The following MYMX variants were observed in gnomAD, a reference collection of about 807,000 sequenced individuals.
MYMX encodes the protein myomixer, myoblast fusion factor.
chr6:44,199,880 T>C, the MYMX span, among the ~76,000 whole-genome samples: 3 of 152,080 alleles, frequency 2.0e-5, no homozygotes, highest in East Asian at 5.8e-4. Flanking sequence ...AGACTGGGTT[T>C]TGCCATGTTA....
rs111303907 is a variant in MYMX, at chr6:44,217,711, A to G, written c.240A>G (p.Leu80=). Residue 80 remains leucine, a synonymous_variant, in exon 2 of 2, where the codon TTA becomes TTG. Transcript: ENST00000573382. ...RVDRLERRER[L]GPQK is the part of the protein sequence containing the mutation. ...ACCGCCTGGAGAGGAGGGAGAGGTTAGGCCCCCAAAAGTGAGGCCACAAGT... is the reference window on the plus strand; with the variant it reads ...ACCGCCTGGAGAGGAGGGAGAGGTTGGGCCCCCAAAAGTGAGGCCACAAGT... The G allele has an allele frequency of 0.019, 7,696 of 401,044 alleles. 102 individuals carry two copies. The highest frequency in any genetic ancestry group is 0.039 in the Admixed American group (891 of 22,746). The allele number at this position is 401,044 out of a possible 1,614,324, so 24.8% of individuals were successfully genotyped here.
At chr6:44,210,229 G>A in the MYMX span, among the ~76,000 whole-genome samples, 4 of 151,804 alleles carry the variant, frequency 2.6e-5, no homozygotes, top group East Asian at 5.9e-4. Context: ...ACAGGCGTGA[G>A]CCACCGGGCC....
Position 44,217,904 on chromosome 6 carries a change from A to G in MYMX, c.*178A>G. ...CTCCCAACAGAAATGTCTTTCTGGA[A>G]GAATGCCTTGCATCTAGCACAAAAC... On this transcript the variant is annotated 3_prime_UTR_variant, in exon 2 of 2. Transcript: ENST00000573382. 1 of 397,266 alleles carries G rather than the reference A, an allele frequency of 2.5e-6. No homozygotes were observed. Among genetic ancestry groups the G allele is most frequent in the Non-Finnish European group, 4.4e-6 (1 of 225,480 alleles). The allele number at this position is 397,266 out of a possible 1,614,324, so 24.6% of individuals were successfully genotyped here.
chr6:44,217,630 G>C lies in MYMX; in HGVS notation c.159G>C (p.Leu53=). The C allele has an allele frequency of 2.5e-6, 1 of 401,250 alleles. No individual in the cohort carries two copies. Among genetic ancestry groups the C allele is most frequent in the Non-Finnish European group, 4.4e-6 (1 of 226,534 alleles). 24.9% of individuals were successfully genotyped at this position (401,250 alleles called of 1,614,324 possible). ...TGCGAGAGGCTTTGCTGGGCTGTCTGCTGTTCATTCTCAGCCAGCGACACT... is the reference window on the plus strand; with the variant it reads ...TGCGAGAGGCTTTGCTGGGCTGTCTCCTGTTCATTCTCAGCCAGCGACACT... ...QDMREALLGC[L]LFILSQRHSP... Residue 53 remains leucine, a synonymous_variant, in exon 2 of 2, where the codon CTG becomes CTC. Transcript: ENST00000573382.
At chr6:44,199,047 T>C in the MYMX span, among the ~76,000 whole-genome samples, 1 of 152,296 alleles carries the variant, frequency 6.6e-6, no homozygotes, top group East Asian at 1.9e-4. Context: ...CTCCCCTACA[T>C]GTTCTTGGAT....
chr6:44,208,724 G>A, the MYMX span, among the ~76,000 whole-genome samples: 2 of 152,150 alleles, frequency 1.3e-5, no homozygotes. Flanking sequence ...AGCACCTAGG[G>A]TGAGTGGCAA....
At chr6:44,197,616 C>G in the MYMX span, among the ~76,000 whole-genome samples, 3 of 152,188 alleles carry the variant, frequency 2.0e-5, no homozygotes, top group African/African-American at 7.2e-5. Context: ...TGTGGTAACT[C>G]TTTCTGGGTA....
the MYMX span, among the ~76,000 whole-genome samples, chr6:44,195,976 C>G: frequency 1.5e-4 from 23 of 152,022 alleles, no homozygotes; most frequent in Admixed American, 5.2e-4. Context: ...GAGTCTCACT[C>G]TGTTGCCCAG....
chr6:44,199,418 G>T, the MYMX span, among the ~76,000 whole-genome samples: 4 of 151,988 alleles, frequency 2.6e-5, no homozygotes, highest in East Asian at 7.8e-4. Flanking sequence ...GGCTGATCTC[G>T]AACTCCTCGG....
chr6:44,196,733 C>T, the MYMX span, among the ~76,000 whole-genome samples: 1 of 151,996 alleles, frequency 6.6e-6, no homozygotes, highest in Admixed American at 6.6e-5. Context: ...CTGAGGTGGG[C>T]GGATCATTTG....
chr6:44,209,422 C>T, the MYMX span, among the ~76,000 whole-genome samples: 1 of 152,082 alleles, frequency 6.6e-6, no homozygotes. Flanking sequence ...GCCAAAATCC[C>T]ATGTATTTAA....
At chr6:44,200,812 G>A in the MYMX span, among the ~76,000 whole-genome samples, 11 of 152,296 alleles carry the variant, frequency 7.2e-5, no homozygotes, top group East Asian at 1.9e-3. Context: ...TTGCCAGAGA[G>A]GGTAGGGCCC....
the MYMX span, among the ~76,000 whole-genome samples, chr6:44,202,554 C>G: frequency 6.6e-6 from 1 of 151,968 alleles, no homozygotes; most frequent in Non-Finnish European, 1.5e-5. Flanking sequence ...CAAGGCTAAA[C>G]TGGGAACTGG....
chr6:44,194,158 G>T, the MYMX span, among the ~76,000 whole-genome samples: 1 of 152,184 alleles, frequency 6.6e-6, no homozygotes, highest in South Asian at 2.1e-4. Context: ...TAAACACAGA[G>T]AAGTTTAACG....
chr6:44,194,047 A>G, the MYMX span, among the ~76,000 whole-genome samples: 6 of 152,106 alleles, frequency 3.9e-5, no homozygotes, highest in Non-Finnish European at 8.8e-5. Context: ...TCTTGGAGAT[A>G]TGTTCAAAAT....
At chr6:44,201,566 G>C in the MYMX span, among the ~76,000 whole-genome samples, 1 of 152,170 alleles carries the variant, frequency 6.6e-6, no homozygotes, top group Admixed American at 6.6e-5. Flanking sequence ...AGCCTCCGCA[G>C]GCCTCCCTTG....
At chr6:44,199,026 C>T in the MYMX span, among the ~76,000 whole-genome samples, 3 of 152,156 alleles carry the variant, frequency 2.0e-5, no homozygotes, top group Non-Finnish European at 4.4e-5. Context: ...CACTGACCAG[C>T]AATTCCCCCT....
chr6:44,215,398 C>A (rs1352697651), upstream of MYMX, among the ~76,000 whole-genome samples: 2 of 151,598 alleles, frequency 1.3e-5, no homozygotes, highest in East Asian at 3.9e-4. Context: ...CACAGTGAGA[C>A]CCCTGTCTCT....
At chr6:44,195,951 CT>C in the MYMX span, among the ~76,000 whole-genome samples, 4 of 150,668 alleles carry the variant, frequency 2.7e-5, no homozygotes, top group East Asian at 2.0e-4. Flanking sequence ...TCTTTTTTTC[CT>C]TTTTTTTGAA....
Sources: allele counts gnomAD v4.1 joint callset (sites outside exome capture counted in the v4.1 genomes callset), GRCh38; gene constraint gnomAD v4.1.1; transcripts MANE v1.5; gene names NCBI Gene and HGNC (gene_info 2026-07-23, HGNC 2026-07-21).